The following SLC37A3 variants were observed in gnomAD, a reference collection of about 807,000 sequenced individuals.
SLC37A3 encodes the protein sugar phosphate exchanger 3.
Under a neutral mutation model 67.1 loss-of-function variants are expected in SLC37A3, and 51 were observed. That is an observed-to-expected ratio of 0.76 (90% CI 0.61 to 0.96). The LOEUF (loss-of-function observed/expected upper bound fraction) is 0.96, where lower values mean the gene tolerates loss of function less well. SLC37A3 is among the 40% of genes least tolerant of loss of function. The pLI, the probability that SLC37A3 is intolerant of heterozygous loss-of-function variation, is 0.00. For synonymous variants in SLC37A3, 214 were observed against 231.4 expected (o/e 0.92, Z 0.68); for missense variants, 508 against 603.0 (o/e 0.84, Z 1.65).
chr7:140,337,221 A>T, intron 14 of SLC37A3, 63 bp downstream of exon 14: 1 of 1,341,878 alleles, frequency 7.5e-7, no homozygotes, highest in South Asian at 1.6e-5. Context: ...TGACTTAAGT[A>T]AGTGCTTTGA....
intron 5 of SLC37A3, among the ~76,000 whole-genome samples, chr7:140,362,563 C>G (rs1455139328): frequency 7.9e-6 from 1 of 126,102 alleles, no homozygotes; most frequent in Non-Finnish European, 1.7e-5. Context: ...GGTCAGCCCC[C>G]CGCCCGGCCA....
intron 5 of SLC37A3, among the ~76,000 whole-genome samples, chr7:140,363,657 C>A (rs1205493026): frequency 7.9e-6 from 1 of 126,140 alleles, no homozygotes; most frequent in Non-Finnish European, 1.6e-5. Context: ...CCTGCCAAAT[C>A]CCCCTCTGCG....
intron 8 of SLC37A3, chr7:140,351,839 T>C: frequency 3.2e-6 from 2 of 634,232 alleles, no homozygotes; most frequent in East Asian, 5.6e-5. Flanking sequence ...AAGATTTTCC[T>C]GTATCTATAA....
chr7:140,365,996 G>A (rs1797586281), intron 4 of SLC37A3, among the ~76,000 whole-genome samples: 1 of 119,464 alleles, frequency 8.4e-6, no homozygotes, highest in African/African-American at 3.3e-5. Flanking sequence ...GGAATGCAAT[G>A]ATGTGATCTT....
At chr7:140,368,007 T>C (rs1425361039) in intron 4 of SLC37A3, among the ~76,000 whole-genome samples, 1 of 151,146 alleles carries the variant, frequency 6.6e-6, no homozygotes, top group African/African-American at 2.4e-5. Context: ...GGAAATGGGG[T>C]TTCTTCATGC....
In SLC37A3 at chr7:140,343,558, A is replaced by C; in HGVS notation, c.1180T>G (p.Phe394Val). The change falls in exon 13 of 15, where the codon TTT becomes GTT. Residue 394 changes from phenylalanine (F) to valine (V), a missense_variant. Phe to Val is a conservative substitution (Grantham distance 50). Coordinates refer to ENST00000326232, the MANE Select transcript of SLC37A3 (RefSeq NM_207113.3). ...NALLMTVTGF[F>V]IGGPSNMISS... is the part of the protein sequence containing the mutation. ...ATCATATTAGAAGGTCCACCAATAA[A>C]AAATCCTGAAGTCATAAACAGGTTC... is the stretch of plus-strand genomic sequence containing the variant. 1 of 1,614,200 alleles carries C rather than the reference A, an allele frequency of 6.2e-7. No individual in the cohort carries two copies. Among genetic ancestry groups the C allele is most frequent in the Non-Finnish European group, 8.5e-7 (1 of 1,180,020 alleles).
intron 1 of SLC37A3, among the ~76,000 whole-genome samples, chr7:140,395,299 C>G (rs556697514): frequency 6.8e-6 from 1 of 147,794 alleles, no homozygotes; most frequent in East Asian, 2.0e-4. Flanking sequence ...TGCTTGAACC[C>G]GGGAGGCGGA....
At chr7:140,347,512 G>A (rs1296987211) in intron 10 of SLC37A3, among the ~76,000 whole-genome samples, 1 of 152,048 alleles carries the variant, frequency 6.6e-6, no homozygotes, top group African/African-American at 2.4e-5. Context: ...CTCACCTTTG[G>A]CTCTGGATTT....
At chr7:140,340,118 G>A (rs1796301871) in intron 13 of SLC37A3, among the ~76,000 whole-genome samples, 2 of 152,166 alleles carry the variant, frequency 1.3e-5, no homozygotes, top group Admixed American at 1.3e-4. Flanking sequence ...TTTTCCCAAT[G>A]ACTAAGGATG....
Position 140,337,360 on chromosome 7 carries a change from G to T in SLC37A3, c.1327-11C>A. 2 of 1,558,798 alleles carry T rather than the reference G, an allele frequency of 1.3e-6. No homozygotes were observed. Among genetic ancestry groups the T allele is most frequent in the East Asian group, 2.3e-5 (1 of 43,186 alleles). ...CAGAGACACTAAATACTGAAAGGGA[G>T]GAAAAAAAAATTACAATATAATTCT... is the stretch of plus-strand genomic sequence containing the variant. On this transcript the variant is annotated splice_polypyrimidine_tract_variant and intron_variant, in intron 13 of 14. Coordinates refer to ENST00000326232, the MANE Select transcript of SLC37A3 (RefSeq NM_207113.3).
chr7:140,343,313 G>T, intron 13 of SLC37A3, 99 bp downstream of exon 13: 1 of 1,541,770 alleles, frequency 6.5e-7, no homozygotes, highest in Non-Finnish European at 8.9e-7. Context: ...GCGTTCTACA[G>T]CACAAGAGTG....
chr7:140,338,998 C>G (rs754550481), intron 13 of SLC37A3, among the ~76,000 whole-genome samples: 4 of 151,464 alleles, frequency 2.6e-5, no homozygotes, highest in Non-Finnish European at 4.4e-5. Context: ...CTCAGGTGAT[C>G]CACCCACCTC....
chr7:140,336,944 C>A (rs1796156706), intron 14 of SLC37A3, among the ~76,000 whole-genome samples: 1 of 151,072 alleles, frequency 6.6e-6, no homozygotes. Context: ...ACTAAAAATA[C>A]AAAAATTAGC....
At chr7:140,363,153 A>G (rs369733012) in intron 5 of SLC37A3, among the ~76,000 whole-genome samples, 7 of 83,764 alleles carry the variant, frequency 8.4e-5, no homozygotes, top group Admixed American at 2.1e-4. Context: ...CTGGGAAGTG[A>G]GGAGCCCCTC....
chr7:140,378,717 T>C (rs570779196), intron 3 of SLC37A3, among the ~76,000 whole-genome samples: 249 of 134,118 alleles, frequency 1.9e-3, no homozygotes, highest in Middle Eastern at 0.012. Flanking sequence ...AGCCTGGCGA[T>C]AGAGCAAGAC....
At chr7:140,342,205 G>A (rs529361209) in intron 13 of SLC37A3, among the ~76,000 whole-genome samples, 1 of 152,152 alleles carries the variant, frequency 6.6e-6, no homozygotes, top group East Asian at 1.9e-4. Context: ...GTATTAACAT[G>A]GCTTACTTTA....
intron 7 of SLC37A3, among the ~76,000 whole-genome samples, chr7:140,354,740 GTTTT>G (rs757344637): frequency 2.4e-5 from 3 of 124,376 alleles, no homozygotes; most frequent in Non-Finnish European, 1.7e-5. Context: ...GCTTTTTGGT[GTTTT>G]TTTTTTTTTT....
At chr7:140,376,050 T>C (rs1298057359) in intron 3 of SLC37A3, among the ~76,000 whole-genome samples, 1 of 151,982 alleles carries the variant, frequency 6.6e-6, no homozygotes, top group African/African-American at 2.4e-5. Flanking sequence ...AAGCAGCTGC[T>C]CAAAGTTGTA....
At chr7:140,383,198 TA>T (rs199833888) in intron 1 of SLC37A3, among the ~76,000 whole-genome samples, 760 of 141,248 alleles carry the variant, frequency 5.4e-3, no homozygotes, top group Middle Eastern at 7.2e-3. Context: ...TGCTTTCACT[TA>T]AAAAAAAAAA....
Sources: gnomAD v4.1 joint callset for allele counts (sites outside exome capture counted in the v4.1 genomes callset) on GRCh38, gnomAD v4.1.1 for gene constraint, MANE v1.5 for transcripts, NCBI Gene and HGNC (gene_info 2026-07-23, HGNC 2026-07-21) for gene names.